MAML3: variants seen among roughly 807,000 people sequenced by gnomAD.
MAML3 encodes the protein mastermind like transcriptional coactivator 3.
Under a neutral mutation model 101.9 loss-of-function variants are expected in MAML3, and 27 were observed. That is an observed-to-expected ratio of 0.27 (90% CI 0.20 to 0.37). The LOEUF is 0.37. Ranked by LOEUF, MAML3 falls within the 10% of genes least tolerant of loss-of-function variation. MAML3 has a pLI of 1.00. For missense variants in MAML3, 1,316 were observed against 1,444.9 expected (o/e 0.91, Z 1.45); for synonymous variants, 501 against 555.9 (o/e 0.90, Z 1.39).
intron 2 of MAML3, among the ~76,000 whole-genome samples, chr4:139,860,826 C>T (rs1731765141): frequency 6.6e-6 from 1 of 152,112 alleles, no homozygotes; most frequent in African/African-American, 2.4e-5. Flanking sequence ...GGATACTGCT[C>T]ATTTTGAAAC....
At chr4:140,104,408 A>AATATATATATATTATATATT (rs1553976077) in intron 1 of MAML3, among the ~76,000 whole-genome samples, 17 of 54,986 alleles carry the variant, frequency 3.1e-4, no homozygotes, top group Non-Finnish European at 4.5e-4. Context: ...TATAATATAT[A>AATATATATATATTATATATT]ATATAATATA....
At chr4:139,772,068 G>A (rs924559079) in intron 2 of MAML3, among the ~76,000 whole-genome samples, 101 of 150,774 alleles carry the variant, frequency 6.7e-4, no homozygotes, top group Non-Finnish European at 1.1e-3. Context: ...TGAAACCCCC[G>A]TCTCTACTAA....
chr4:139,871,010 A>G (rs1468681266), intron 2 of MAML3, among the ~76,000 whole-genome samples: 7 of 152,208 alleles, frequency 4.6e-5, no homozygotes, highest in Non-Finnish European at 1.0e-4. Flanking sequence ...TTTGGAATGC[A>G]TGTTTGTGTG....
At chr4:140,095,016 G>A (rs1309622438) in intron 1 of MAML3, among the ~76,000 whole-genome samples, 1 of 152,170 alleles carries the variant, frequency 6.6e-6, no homozygotes, top group Non-Finnish European at 1.5e-5. Flanking sequence ...ACGGATCCAA[G>A]CCCCTGACTG....
intron 1 of MAML3, among the ~76,000 whole-genome samples, chr4:139,946,590 G>A (rs1395730687): frequency 6.6e-6 from 1 of 152,020 alleles, no homozygotes; most frequent in Non-Finnish European, 1.5e-5. Context: ...CTAAATGCAA[G>A]TTTTCATGCC....
At chr4:139,974,152 C>A (rs530778913) in intron 1 of MAML3, among the ~76,000 whole-genome samples, 55 of 146,834 alleles carry the variant, frequency 3.7e-4, no homozygotes, top group African/African-American at 1.3e-3. Context: ...ATCACCCAGG[C>A]TGGAGTGCAG....
At chr4:139,940,230 C>T (rs1158188209) in intron 1 of MAML3, among the ~76,000 whole-genome samples, 7 of 152,168 alleles carry the variant, frequency 4.6e-5, no homozygotes, top group African/African-American at 1.7e-4. Context: ...ACCACCAATA[C>T]TGCTTTGTGG....
chr4:140,107,330 GT>G (rs1396213785), intron 1 of MAML3, among the ~76,000 whole-genome samples: 2 of 152,120 alleles, frequency 1.3e-5, no homozygotes, highest in Non-Finnish European at 2.9e-5. Flanking sequence ...TCTGAGTCTA[GT>G]TTTCAATCAG....
At chr4:139,793,523 T>C (rs1357412720) in intron 2 of MAML3, among the ~76,000 whole-genome samples, 1 of 152,182 alleles carries the variant, frequency 6.6e-6, no homozygotes, top group African/African-American at 2.4e-5. Context: ...ACAGCTGGAA[T>C]CGACTCATTT....
intron 2 of MAML3, among the ~76,000 whole-genome samples, chr4:139,763,963 T>C (rs1729804960): frequency 6.6e-6 from 1 of 152,182 alleles, no homozygotes; most frequent in African/African-American, 2.4e-5. Flanking sequence ...TATGCTCCTT[T>C]TCTCAACCCA....
At chr4:139,777,506 T>A (rs747656962) in intron 2 of MAML3, among the ~76,000 whole-genome samples, 2 of 152,288 alleles carry the variant, frequency 1.3e-5, no homozygotes, top group South Asian at 4.1e-4. Flanking sequence ...CAATCCATTC[T>A]CCAGACACCT....
In MAML3 at chr4:140,120,325, A is replaced by T. The variant is rs375473093; in HGVS notation, c.468+32535T>A. 5.9e-5 allele frequency among the ~76,000 whole-genome samples: 9 copies of T among 152,258 alleles called. No individual in the cohort carries two copies. In the East Asian group the frequency reaches 1.7e-3, roughly 29 times the overall value. On this transcript the variant is annotated intron_variant, in intron 1 of 4. Coordinates refer to ENST00000509479, the MANE Select transcript of MAML3 (RefSeq NM_018717.5). ...CCCTAATGAGTAATGAGCAGTATTA[A>T]ATTACAGGTTACTACTGATACCATA...
chr4:139,932,724 T>C (rs1177209740), intron 1 of MAML3, among the ~76,000 whole-genome samples: 1 of 152,166 alleles, frequency 6.6e-6, no homozygotes, highest in Non-Finnish European at 1.5e-5. Flanking sequence ...TTACCAAAAG[T>C]CCCTTCAGAG....
Position 140,027,081 on chromosome 4 carries a change from GT to G in MAML3, c.468+125778del, listed in dbSNP as rs1726838346. 2.6e-5 allele frequency among the ~76,000 whole-genome samples: 4 copies of G among 152,050 alleles called. No homozygotes were observed. The South Asian group carries it at 8.3e-4, about 32-fold the overall frequency. ...GAAAAAGGAAAAAAAAAAAAGACAGGTTCTGTTGAGCAGTGAGTTTGCACTG... is the reference window on the plus strand; with the variant it reads ...GAAAAAGGAAAAAAAAAAAAGACAGGTCTGTTGAGCAGTGAGTTTGCACTG... On this transcript the variant is annotated intron_variant, in intron 1 of 4. Coordinates refer to ENST00000509479, the MANE Select transcript of MAML3 (RefSeq NM_018717.5).
intron 1 of MAML3, among the ~76,000 whole-genome samples, chr4:139,939,859 G>C (rs921282709): frequency 2.7e-4 from 40 of 149,794 alleles, no homozygotes; most frequent in Admixed American, 2.4e-3. Context: ...CCGCCTCCTC[G>C]ATTCAAGCGA....
intron 1 of MAML3, among the ~76,000 whole-genome samples, chr4:140,119,676 C>T (rs982783515): frequency 1.8e-4 from 26 of 145,506 alleles, no homozygotes; most frequent in South Asian, 4.5e-4. Flanking sequence ...CTATACAGCA[C>T]GGTGGCACAA....
At chr4:139,850,338 A>G (rs1560813551) in intron 2 of MAML3, among the ~76,000 whole-genome samples, 2 of 152,298 alleles carry the variant, frequency 1.3e-5, no homozygotes, top group East Asian at 3.9e-4. Context: ...TAAGGTGACC[A>G]TACATCCTGA....
At chr4:139,950,901 T>C (rs1733821447) in intron 1 of MAML3, among the ~76,000 whole-genome samples, 1 of 152,162 alleles carries the variant, frequency 6.6e-6, no homozygotes, top group Non-Finnish European at 1.5e-5. Flanking sequence ...GAAGAGGCCA[T>C]CGGGTTACTA....
intron 1 of MAML3, among the ~76,000 whole-genome samples, chr4:139,922,756 A>G (rs559916310): frequency 6.6e-6 from 1 of 152,308 alleles, no homozygotes; most frequent in Non-Finnish European, 1.5e-5. Context: ...GAGAAATGCT[A>G]CCCACAATGC....
Sources: allele counts gnomAD v4.1 joint callset (sites outside exome capture counted in the v4.1 genomes callset), GRCh38; gene constraint gnomAD v4.1.1; transcripts MANE v1.5; gene names NCBI Gene and HGNC (gene_info 2026-07-23, HGNC 2026-07-21).